SLC37A2: variants seen among roughly 807,000 people sequenced by gnomAD.
SLC37A2 encodes glucose-6-phosphate exchanger SLC37A2.
In SLC37A2, 59 loss-of-function variants were observed where a neutral mutation model predicts 70.7. The observed-to-expected ratio is 0.83, with a 90% CI of 0.68 to 1.04. The LOEUF (loss-of-function observed/expected upper bound fraction) is 1.04. SLC37A2 is among the 50% of genes least tolerant of loss of function. The pLI, the probability that SLC37A2 is intolerant of heterozygous loss-of-function variation, is 0.00. For missense variants in SLC37A2, 580 were observed against 658.1 expected, an observed-to-expected ratio of 0.88 and a Z score of 1.30; for synonymous variants, 257 against 262.1, an observed-to-expected ratio of 0.98 and a Z score of 0.19.
At chr11:125,070,607 CAA>C (rs1949020759) in intron 1 of SLC37A2, among the ~76,000 whole-genome samples, 1 of 152,158 alleles carries the variant, frequency 6.6e-6, no homozygotes, top group East Asian at 1.9e-4. Flanking sequence ...CTGTTGACTG[CAA>C]AGAGGTGCAT....
chr11:125,068,909 AG>A (rs1246003363), intron 1 of SLC37A2, among the ~76,000 whole-genome samples: 2 of 152,250 alleles, frequency 1.3e-5, no homozygotes, highest in Admixed American at 6.5e-5. Context: ...GTCCCCAAGG[AG>A]GGCATTTAAG....
chr11:125,085,024 G>A, intron 13 of SLC37A2, 42 bp from the exon 14 acceptor site: 3 of 1,606,768 alleles, frequency 1.9e-6, no homozygotes, highest in Non-Finnish European at 2.6e-6. Context: ...GGGGCTGCGG[G>A]TGGTGCTGCT....
chr11:125,084,948 G>T (rs1030653747), intron 13 of SLC37A2, 75 bp downstream of exon 13: 1 of 1,596,044 alleles, frequency 6.3e-7, no homozygotes, highest in East Asian at 2.2e-5. Context: ...GCTGGCCCAC[G>T]GGGGGCACTG....
intron 1 of SLC37A2, among the ~76,000 whole-genome samples, chr11:125,067,557 A>T (rs892798228): frequency 5.3e-5 from 8 of 152,232 alleles, no homozygotes; most frequent in Admixed American, 3.9e-4. Flanking sequence ...ATCAATATTA[A>T]CATATTAAAT....
At position 125,088,739 on chromosome 11, in the gene SLC37A2, G is replaced by C. The variant is rs1326766009; in HGVS notation, c.*605G>C. 2 of 152,406 alleles carry C rather than the reference G, an allele frequency of 1.3e-5. No individual in the cohort carries two copies. Among genetic ancestry groups the C allele is most frequent in the Non-Finnish European group, 2.9e-5 (2 of 68,210 alleles). The allele number at this position is 152,406 out of a possible 1,614,324, so 9.4% of individuals were successfully genotyped here. On this transcript the variant is annotated 3_prime_UTR_variant, in exon 18 of 18. Transcript: ENST00000403796. ...GGGCGAGGCAGGGGAGCTGCCTTCG[G>C]TACATAATTTGAAGGGGCACTCCCT... is the stretch of plus-strand genomic sequence containing the variant.
At chr11:125,079,576 A>G in intron 5 of SLC37A2, 108 bp from the exon 6 acceptor site, 1 of 818,556 alleles carries the variant, frequency 1.2e-6, no homozygotes, top group South Asian at 1.7e-5. Flanking sequence ...TGGGGTATGG[A>G]GGGCCCCTTG....
intron 3 of SLC37A2, 62 bp from the exon 4 acceptor site, chr11:125,077,388 G>C: frequency 6.3e-7 from 1 of 1,597,288 alleles, no homozygotes; most frequent in Non-Finnish European, 8.6e-7. Flanking sequence ...GGGCTGTCCA[G>C]GGAGGGCTTC....
In SLC37A2 at chr11:125,079,127, G is replaced by A. The variant is rs1319230646; in HGVS notation, c.330G>A (p.Glu110=). The A allele has an allele frequency of 1.9e-6, 3 of 1,614,202 alleles. No homozygotes were observed. The highest frequency in any genetic ancestry group is 2.2e-5 in the East Asian group (1 of 44,886). ...TCTTCCCCAGTGGGGTTTTTGGGGAGCGGCTTCCGCTCCGTTACTACCTCT... is the reference window on the plus strand; with the variant it reads ...TCTTCCCCAGTGGGGTTTTTGGGGAACGGCTTCCGCTCCGTTACTACCTCT... The part of the protein sequence containing the change: ...IGMFISGVFG[E]RLPLRYYLSA... Residue 110 remains glutamate, a synonymous_variant, in exon 5 of 18, where the codon GAG becomes GAA. Transcript: ENST00000403796.
intron 6 of SLC37A2, 62 bp downstream of exon 6, chr11:125,079,822 C>T (rs1949128341): frequency 2.4e-6 from 3 of 1,275,016 alleles, no homozygotes; most frequent in East Asian, 4.7e-5. Flanking sequence ...CTGAGCTGGT[C>T]ACCGTGGCCT....
chr11:125,065,168 G>A (rs114785252), intron 1 of SLC37A2, among the ~76,000 whole-genome samples: 4,341 of 152,168 alleles, frequency 0.029, 197 homozygotes, highest in African/African-American at 0.098. Context: ...ATAACCTGGC[G>A]GACTATGTGC....
rs900044708 is a variant in SLC37A2 at position 125,063,884 on chromosome 11, A to G, written c.59+458A>G. ...TGGTCTCCTTTAGCCCTCGAACACC[A>G]AGGCCAGAACTCAGTGGTCCTGGGA... On this transcript the variant is annotated intron_variant, in intron 1 of 17. Transcript: ENST00000403796. The surrounding 1 kb of genome is among the most constrained non-coding windows in gnomAD (Gnocchi z 5.4). Among the ~76,000 whole-genome samples the G allele has an allele frequency of 6.6e-6, 1 of 152,178 alleles. No homozygotes were observed. The highest frequency in any genetic ancestry group is 1.5e-5 in the Non-Finnish European group (1 of 68,040).
chr11:125,086,143 A>G, intron 17 of SLC37A2, 125 bp downstream of exon 17: 1 of 1,543,612 alleles, frequency 6.5e-7, no homozygotes, highest in South Asian at 1.1e-5. Flanking sequence ...GCACTGAGCC[A>G]GTCCCTGGGT....
intron 1 of SLC37A2, among the ~76,000 whole-genome samples, chr11:125,075,903 T>C (rs1288412439): frequency 1.3e-5 from 2 of 152,166 alleles, no homozygotes; most frequent in African/African-American, 4.8e-5. Flanking sequence ...GCCTAACTCC[T>C]GGCCCCTTCT....
At chr11:125,064,008 C>G (rs1489375852) in intron 1 of SLC37A2, among the ~76,000 whole-genome samples, 1 of 152,200 alleles carries the variant, frequency 6.6e-6, no homozygotes, top group Non-Finnish European at 1.5e-5. Context: ...CAGAGGTTCT[C>G]TTCCTGACCG....
Position 125,063,539 on chromosome 11 carries a change from C to A in SLC37A2, c.59+113C>A. ...ATCGGCCCCGGCGTCGCCGCGTGGC[C>A]AGGGGTGCTGGGGGGACTTGGTCCC... On this transcript the variant is annotated intron_variant, in intron 1 of 17. Transcript: ENST00000403796. This position sits in a 1 kb window ranked among gnomAD's most constrained non-coding sequence, Gnocchi z 5.4. The A allele has an allele frequency of 9.9e-7, 1 of 1,006,226 alleles. No homozygotes were observed. The highest frequency in any genetic ancestry group is 1.4e-6 in the Non-Finnish European group (1 of 691,874). 62.3% of individuals were successfully genotyped at this position (1,006,226 alleles called of 1,614,324 possible). A position where few individuals can be genotyped will look rare whatever the true frequency, so the allele number is the denominator to read the frequency against.
intron 1 of SLC37A2, among the ~76,000 whole-genome samples, chr11:125,072,546 C>T (rs1216044888): frequency 1.3e-5 from 2 of 152,242 alleles, no homozygotes; most frequent in Admixed American, 1.3e-4. Context: ...CACAGCCACC[C>T]TGGGGCCAGC....
At position 125,063,350 on chromosome 11, in the gene SLC37A2, A is replaced by G. The variant is rs1005815401; in HGVS notation, c.-18A>G. 1 of 1,607,806 alleles carries G rather than the reference A, an allele frequency of 6.2e-7. No individual in the cohort carries two copies. The highest frequency in any genetic ancestry group is 1.1e-5 in the South Asian group (1 of 89,900). ...TAGCCTCCTCCGTCGACTCAGCCTT[A>G]GGTACCGGTCAGGCAAAATGCGGTC... On this transcript the variant is annotated 5_prime_UTR_variant, in exon 1 of 18. Transcript: ENST00000403796. This position sits in a 1 kb window ranked among gnomAD's most constrained non-coding sequence, Gnocchi z 5.4.
intron 1 of SLC37A2, among the ~76,000 whole-genome samples, chr11:125,072,512 GC>G (rs1949038689): frequency 6.6e-6 from 1 of 152,196 alleles, no homozygotes; most frequent in Non-Finnish European, 1.5e-5. Context: ...GCCTGGCCCA[GC>G]CCCTGGGCTG....
intron 1 of SLC37A2, among the ~76,000 whole-genome samples, chr11:125,076,080 A>C (rs904262732): frequency 1.3e-5 from 2 of 152,064 alleles, no homozygotes; most frequent in Non-Finnish European, 2.9e-5. Flanking sequence ...ACCCGCCTGC[A>C]CTGTTCTTTC....
Sources: gnomAD v4.1 joint callset for allele counts (sites outside exome capture counted in the v4.1 genomes callset) on GRCh38, gnomAD v4.1.1 for gene constraint, Gnocchi (gnomAD v3.1) non-coding constraint, MANE v1.5 for transcripts, NCBI Gene and HGNC (gene_info 2026-07-23, HGNC 2026-07-21) for gene names.